FOCAD: variants seen among roughly 807,000 people sequenced by gnomAD.
FOCAD encodes focadhesin, also known as KIAA1797.
Under a neutral mutation model 225.6 loss-of-function variants are expected in FOCAD, and 198 were observed. That is an observed-to-expected ratio of 0.88 (90% CI 0.78 to 0.99). FOCAD has a LOEUF of 0.99. Among genes scored for constraint, FOCAD ranks in the 50% least tolerant of loss-of-function variants. FOCAD has a pLI of 0.00. For missense variants in FOCAD, 2,713 were observed against 2,123.6 expected (o/e 1.28, Z -5.46); for synonymous variants, 897 against 755.0 (o/e 1.19, Z -3.08).
intron 24 of FOCAD, among the ~76,000 whole-genome samples, chr9:20,922,842 G>T (rs931023716): frequency 6.6e-6 from 1 of 152,208 alleles, no homozygotes; most frequent in African/African-American, 2.4e-5. Flanking sequence ...CATCTGATTG[G>T]TGTCCCATAG....
intron 24 of FOCAD, among the ~76,000 whole-genome samples, chr9:20,917,300 T>C (rs1043511861): frequency 1.3e-5 from 2 of 152,164 alleles, no homozygotes; most frequent in Non-Finnish European, 2.9e-5. Flanking sequence ...ATGAGTTATG[T>C]TGGTAGTACT....
intron 5 of FOCAD, among the ~76,000 whole-genome samples, chr9:20,754,651 G>C (rs1418545299): frequency 6.6e-6 from 1 of 151,918 alleles, no homozygotes; most frequent in African/African-American, 2.4e-5. Context: ...TTGACCAGGA[G>C]CAATTTTGTC....
At chr9:20,739,075 A>G (rs1326705125) in intron 4 of FOCAD, among the ~76,000 whole-genome samples, 4 of 152,144 alleles carry the variant, frequency 2.6e-5, no homozygotes, top group African/African-American at 4.8e-5. Flanking sequence ...TAAGTGGCCA[A>G]ACCTTTTGTC....
intron 37 of FOCAD, among the ~76,000 whole-genome samples, chr9:20,980,815 C>T (rs1840627336): frequency 6.6e-6 from 1 of 152,162 alleles, no homozygotes; most frequent in Non-Finnish European, 1.5e-5. Flanking sequence ...TTGAAGCCCA[C>T]TTGGTTGAAG....
chr9:20,821,103 T>C (rs762785634), intron 14 of FOCAD, 32 bp downstream of exon 14: 4 of 1,589,270 alleles, frequency 2.5e-6, no homozygotes, highest in Middle Eastern at 3.4e-4. Flanking sequence ...GGAATGTATA[T>C]CATGATATAT....
chr9:20,894,702 G>C (rs191731294), intron 21 of FOCAD, among the ~76,000 whole-genome samples: 1 of 152,100 alleles, frequency 6.6e-6, no homozygotes, highest in Non-Finnish European at 1.5e-5. Flanking sequence ...TGAGTTTTAA[G>C]ACTTTTTTCG....
intron 10 of FOCAD, among the ~76,000 whole-genome samples, chr9:20,783,518 A>G (rs938093114): frequency 6.6e-6 from 1 of 151,538 alleles, no homozygotes; most frequent in African/African-American, 2.4e-5. Flanking sequence ...TGCCTGAACT[A>G]TTCATCCTTC....
At chr9:20,927,772 A>G (rs1258597866) in intron 26 of FOCAD, 2 of 152,156 alleles carry the variant, frequency 1.3e-5, no homozygotes, top group Non-Finnish European at 2.9e-5. Flanking sequence ...GTTAATTTTA[A>G]TAAAAATATA....
chr9:20,776,122 T>A (rs72703918), intron 8 of FOCAD, among the ~76,000 whole-genome samples: 1 of 152,290 alleles, frequency 6.6e-6, no homozygotes, highest in Non-Finnish European at 1.5e-5. Context: ...AGTAGGCTAC[T>A]GCTACTAGTT....
At chr9:20,695,377 A>C (rs1372471586) in intron 1 of FOCAD, among the ~76,000 whole-genome samples, 1 of 152,188 alleles carries the variant, frequency 6.6e-6, no homozygotes, top group Non-Finnish European at 1.5e-5. Flanking sequence ...TAATATTTTT[A>C]GCCACAGTTG....
At chr9:20,751,588 T>C (rs1828551913) in intron 5 of FOCAD, among the ~76,000 whole-genome samples, 1 of 132,716 alleles carries the variant, frequency 7.5e-6, no homozygotes, top group Admixed American at 7.7e-5. Context: ...TCCAAGTCTT[T>C]GCTATTGTGA....
intron 35 of FOCAD, among the ~76,000 whole-genome samples, chr9:20,956,555 T>TA (rs1172080617): frequency 6.6e-6 from 1 of 152,158 alleles, no homozygotes; most frequent in East Asian, 1.9e-4. Context: ...TGTCCTATTT[T>TA]AAAAAAAGTA....
intron 8 of FOCAD, among the ~76,000 whole-genome samples, chr9:20,778,089 CAAAAAA>C (rs1184354592): frequency 0.31 from 25,785 of 84,154 alleles, 2,561 homozygotes; most frequent in East Asian, 0.54. Flanking sequence ...GACTCCGTCT[CAAAAAA>C]AAAAAAAAAA....
chr9:20,860,352 G>T (rs1391280263), intron 15 of FOCAD, among the ~76,000 whole-genome samples: 1 of 152,114 alleles, frequency 6.6e-6, no homozygotes, highest in Non-Finnish European at 1.5e-5. Flanking sequence ...ATTTACAAAA[G>T]AAAGAGGTTT....
intron 39 of FOCAD, among the ~76,000 whole-genome samples, chr9:20,983,433 G>A (rs370227093): frequency 1.6e-4 from 25 of 152,096 alleles, no homozygotes; most frequent in East Asian, 1.5e-3. Context: ...TTAGCTGGGC[G>A]TAGTGGCACA....
chr9:20,701,448 A>G (rs1395747129), intron 1 of FOCAD, among the ~76,000 whole-genome samples: 3 of 152,206 alleles, frequency 2.0e-5, no homozygotes, highest in African/African-American at 7.2e-5. Context: ...TGTTTAAGCA[A>G]TCATTTGGGT....
Position 20,907,173 on chromosome 9 carries a change from G to A in FOCAD, c.2649G>A (p.Trp883Ter), listed in dbSNP as rs540233935. ...VHEVHIQLSE[W>*]HRAIFLPQAW... ...AGGTTCATATCCAGCTTTCAGAGTG[G>A]CACCGTGCAATTTTTCTTCCACAGG... is the stretch of plus-strand genomic sequence containing the variant. The change falls in exon 22 of 44, where the codon TGG (tryptophan) becomes TGA (stop). Residue 883 changes from tryptophan to a stop codon, truncating the protein, a stop_gained. Transcript: ENST00000338382. LOFTEE classifies it high-confidence loss of function. The A allele has an allele frequency of 2.5e-6, 4 of 1,612,976 alleles. No individual in the cohort carries two copies. The highest frequency in any genetic ancestry group is 2.2e-5 in the East Asian group (1 of 44,834).
At chr9:20,894,091 T>G (rs1831865361) in intron 21 of FOCAD, among the ~76,000 whole-genome samples, 1 of 152,110 alleles carries the variant, frequency 6.6e-6, no homozygotes, top group Admixed American at 6.6e-5. Context: ...CTCTATAGTT[T>G]TGCCTTTTCC....
chr9:20,817,273 C>T (rs1417437514), intron 11 of FOCAD, among the ~76,000 whole-genome samples: 5 of 152,054 alleles, frequency 3.3e-5, no homozygotes, highest in Non-Finnish European at 7.4e-5. Flanking sequence ...ATTATATTTA[C>T]AGAGTTTTGT....
Sources: gnomAD v4.1 joint callset for allele counts (sites outside exome capture counted in the v4.1 genomes callset) on GRCh38, gnomAD v4.1.1 for gene constraint, MANE v1.5 for transcripts, NCBI Gene and HGNC (gene_info 2026-07-23, HGNC 2026-07-21) for gene names.